Variants in PTPRZ1 observed in about 807,000 individuals in gnomAD.
PTPRZ1 encodes protein tyrosine phosphatase receptor type Z1.
A neutral mutation model predicts 214.1 loss-of-function variants in PTPRZ1; 82 were observed. That is an observed-to-expected ratio of 0.38 (90% CI 0.32 to 0.46). The LOEUF (loss-of-function observed/expected upper bound fraction) is 0.46. Ranked by LOEUF, PTPRZ1 falls within the 20% of genes least tolerant of loss-of-function variation. PTPRZ1 has a pLI of 1.00. For synonymous variants in PTPRZ1, 945 were observed against 987.9 expected, an observed-to-expected ratio of 0.96 and a Z score of 0.81; for missense variants, 2,603 against 2,748.7, an observed-to-expected ratio of 0.95 and a Z score of 1.19.
chr7:121,906,033 T>C (rs551850510), intron 1 of PTPRZ1, among the ~76,000 whole-genome samples: 8 of 152,342 alleles, frequency 5.3e-5, no homozygotes, highest in Non-Finnish European at 1.2e-4. Context: ...GCTGTGGTTT[T>C]CTGTGTATAT....
chr7:121,943,143 A>G (rs1796276392), intron 2 of PTPRZ1, among the ~76,000 whole-genome samples: 1 of 152,180 alleles, frequency 6.6e-6, no homozygotes, highest in East Asian at 1.9e-4. Flanking sequence ...AAAAACTCCT[A>G]TGACTATCTT....
intron 2 of PTPRZ1, among the ~76,000 whole-genome samples, chr7:121,944,834 G>A (rs77228303): frequency 6.6e-6 from 1 of 151,960 alleles, no homozygotes; most frequent in Admixed American, 6.6e-5. Flanking sequence ...GTAGAGACGG[G>A]GTTTCAACAT....
intron 6 of PTPRZ1, among the ~76,000 whole-genome samples, chr7:121,983,405 T>G (rs1028539752): frequency 1.3e-5 from 2 of 152,228 alleles, no homozygotes; most frequent in Non-Finnish European, 2.9e-5. Flanking sequence ...GATCATCTGA[T>G]TTCTGAGTAT....
intron 2 of PTPRZ1, among the ~76,000 whole-genome samples, chr7:121,958,616 A>C (rs1352822551): frequency 6.6e-6 from 1 of 152,106 alleles, no homozygotes; most frequent in Non-Finnish European, 1.5e-5. Flanking sequence ...TGTTTAATGA[A>C]CTTCCATTGA....
intron 1 of PTPRZ1, among the ~76,000 whole-genome samples, chr7:121,921,257 G>A (rs1380405629): frequency 6.6e-6 from 1 of 152,072 alleles, no homozygotes; most frequent in East Asian, 1.9e-4. Flanking sequence ...AATATTTTGA[G>A]CTTTCATTGA....
At chr7:121,895,492 G>A (rs1194239303) in intron 1 of PTPRZ1, among the ~76,000 whole-genome samples, 1 of 152,134 alleles carries the variant, frequency 6.6e-6, no homozygotes, top group Admixed American at 6.5e-5. Flanking sequence ...TATTAAGAGA[G>A]ATGTAAAATA....
intron 1 of PTPRZ1, among the ~76,000 whole-genome samples, chr7:121,893,651 A>G (rs186622876): frequency 1.3e-5 from 2 of 152,204 alleles, no homozygotes; most frequent in Non-Finnish European, 2.9e-5. Context: ...ACTGTAGAAA[A>G]AGGGGGAAAT....
chr7:121,891,451 CTTTTTTTTTTTTTTTTTTTT>C (rs58135453), intron 1 of PTPRZ1, among the ~76,000 whole-genome samples: 1 of 35,744 alleles, frequency 2.8e-5, no homozygotes, highest in South Asian at 1.6e-3. Context: ...AAAACAACCT[CTTTTTTTTTTTTTTTTTTTT>C]TTTTTTTTTT....
chr7:121,885,535 A>G (rs1011796632), intron 1 of PTPRZ1, among the ~76,000 whole-genome samples: 2 of 152,186 alleles, frequency 1.3e-5, no homozygotes, highest in South Asian at 2.1e-4. Flanking sequence ...AATGTATCCA[A>G]TGATGCCTCT....
At chr7:122,017,297 C>T (rs1584746560) in intron 12 of PTPRZ1, among the ~76,000 whole-genome samples, 1 of 152,002 alleles carries the variant, frequency 6.6e-6, no homozygotes, top group Non-Finnish European at 1.5e-5. Flanking sequence ...AAATGAGTCT[C>T]CACAAAATAA....
chr7:121,972,768 A>T, intron 4 of PTPRZ1, 76 bp downstream of exon 4: 1 of 1,161,412 alleles, frequency 8.6e-7, no homozygotes, highest in Non-Finnish European at 1.2e-6. Flanking sequence ...TAATTTGATT[A>T]ATTTTAAAAT....
In PTPRZ1 at chr7:121,968,044, T is replaced by C. The variant is rs1289263193; in HGVS notation, c.218T>C (p.Val73Ala). The C allele has an allele frequency of 1.9e-6, 3 of 1,597,438 alleles. No individual in the cohort carries two copies. The highest frequency in any genetic ancestry group is 2.2e-5 in the East Asian group (1 of 44,538). ...AATATTGATGAAGATCTTACACAAG[T>C]AAATGTGAATCTTAAGAAACTTAAA... ...PINIDEDLTQ[V>A]NVNLKKLKFQ... The change falls in exon 3 of 30, where the codon GTA becomes GCA. Residue 73 changes from valine to alanine, a missense_variant. By Grantham distance (64) the Val-to-Ala change is moderately conservative. Transcript: ENST00000393386.
intron 9 of PTPRZ1, 25 bp from the exon 10 acceptor site, chr7:121,997,855 A>G (rs1798192843): frequency 6.3e-7 from 1 of 1,589,094 alleles, no homozygotes; most frequent in Non-Finnish European, 8.6e-7. Flanking sequence ...TAACATTTGT[A>G]TAATTACTAA....
chr7:121,976,184 C>T lies in PTPRZ1; in HGVS notation c.468C>T (p.Tyr156=). The part of the protein sequence containing the change: ...GQKFPLEMQI[Y]CFDADRFSSF... ...TGTTACTTTTATAGATGCAAATCTACTGCTTTGATGCGGACCGATTTTCAA... is the reference window on the plus strand; with the variant it reads ...TGTTACTTTTATAGATGCAAATCTATTGCTTTGATGCGGACCGATTTTCAA... The change falls in exon 5 of 30, where the codon TAC becomes TAT. Residue 156 remains tyrosine, a synonymous_variant. Coordinates refer to ENST00000393386, the MANE Select transcript of PTPRZ1 (RefSeq NM_002851.3). 1.2e-6 allele frequency: 2 copies of T among 1,603,766 alleles called. No individual in the cohort carries two copies. Among genetic ancestry groups the T allele is most frequent in the Non-Finnish European group, 1.7e-6 (2 of 1,172,486 alleles).
chr7:122,054,617 C>T (rs1488534961), intron 26 of PTPRZ1, among the ~76,000 whole-genome samples: 1 of 152,050 alleles, frequency 6.6e-6, no homozygotes, highest in Non-Finnish European at 1.5e-5. Flanking sequence ...GTGACCATTA[C>T]ACATGAGGCT....
At position 122,012,497 on chromosome 7, in the gene PTPRZ1, G is replaced by C. The variant is rs1023510725; in HGVS notation, c.3451G>C (p.Ala1151Pro). 6.2e-7 allele frequency: 1 copy of C among 1,613,952 alleles called. No individual in the cohort carries two copies. The highest frequency in any genetic ancestry group is 1.3e-5 in the African/African-American group (1 of 74,914). ...TGTGCTTAGTGCAAACTCAGAGCCAGCATCCTCTGACCCTGCTTCTAGTGA... is the reference window on the plus strand; with the variant it reads ...TGTGCTTAGTGCAAACTCAGAGCCACCATCCTCTGACCCTGCTTCTAGTGA... ...KPVLSANSEP[A>P]SSDPASSEML... Residue 1151 changes from alanine (A) to proline (P), a missense_variant, in exon 12 of 30, where the codon GCA becomes CCA. Transcript: ENST00000393386.
At chr7:121,927,660 C>T (rs911219348) in intron 1 of PTPRZ1, among the ~76,000 whole-genome samples, 4 of 152,174 alleles carry the variant, frequency 2.6e-5, no homozygotes, top group Non-Finnish European at 4.4e-5. Flanking sequence ...TACTTTCTGA[C>T]CGCAGCTAAT....
At chr7:122,018,911 G>A (rs945600763) in intron 12 of PTPRZ1, among the ~76,000 whole-genome samples, 1 of 152,072 alleles carries the variant, frequency 6.6e-6, no homozygotes, top group African/African-American at 2.4e-5. Context: ...AATCTCTGCT[G>A]GGATGTTGTA....
In PTPRZ1 at chr7:122,029,541, T is replaced by C. The variant is rs188789944; in HGVS notation, c.5080+898T>C. On this transcript the variant is annotated intron_variant, in intron 14 of 29. Transcript: ENST00000393386. ...TAAAAGGAAAGAGAAGTTAAGAAAG[T>C]AGGGATACAAAAGGAGAAAGTCATC... 3.1e-4 allele frequency among the ~76,000 whole-genome samples: 47 copies of C among 151,976 alleles called. 1 individual carries two copies. In the East Asian group the frequency reaches 8.7e-3, roughly 28 times the overall value.
Sources: allele counts gnomAD v4.1 joint callset (sites outside exome capture counted in the v4.1 genomes callset), GRCh38; gene constraint gnomAD v4.1.1; transcripts MANE v1.5; gene names NCBI Gene and HGNC (gene_info 2026-07-23, HGNC 2026-07-21).